CNTLN: variants seen among roughly 807,000 people sequenced by gnomAD.
The protein encoded by CNTLN is centlein, centrosomal protein.
A neutral mutation model predicts 180.0 loss-of-function variants in CNTLN; 212 were observed. The observed-to-expected ratio is 1.18, with a 90% CI of 1.05 to 1.32. The LOEUF (loss-of-function observed/expected upper bound fraction) is 1.32, where lower values mean the gene tolerates loss of function less well. CNTLN is among the 40% of genes most tolerant of loss of function. The pLI is 0.00. For missense variants in CNTLN, 2,095 were observed against 1,610.9 expected (o/e 1.30, Z -5.14); for synonymous variants, 722 against 563.1 (o/e 1.28, Z -3.99).
chr9:17,192,643 A>G (rs1399531699), intron 2 of CNTLN, among the ~76,000 whole-genome samples: 2 of 152,184 alleles, frequency 1.3e-5, no homozygotes, highest in African/African-American at 2.4e-5. Context: ...TGGAGTCAGA[A>G]TTTGAAATCT....
chr9:17,445,387 T>C (rs965769359), intron 18 of CNTLN, among the ~76,000 whole-genome samples: 1 of 151,596 alleles, frequency 6.6e-6, no homozygotes, highest in Non-Finnish European at 1.5e-5. Flanking sequence ...AGAGATCAGA[T>C]TGTTACAGTG....
At chr9:17,357,089 G>C (rs942788671) in intron 12 of CNTLN, among the ~76,000 whole-genome samples, 1 of 152,042 alleles carries the variant, frequency 6.6e-6, no homozygotes, top group Non-Finnish European at 1.5e-5. Context: ...GGTGCTTCAT[G>C]TAAGTGGAAT....
rs181878017 is a variant in CNTLN at position 17,215,215 on chromosome 9, G to A, written c.450-10988G>A. Among the ~76,000 whole-genome samples, 862 of 152,244 alleles carry A rather than the reference G, an allele frequency of 5.7e-3. 9 individuals carry two copies. The highest frequency in any genetic ancestry group is 0.02 in the African/African-American group (826 of 41,548). On this transcript the variant is annotated intron_variant, in intron 2 of 25. Transcript: ENST00000380647. The stretch of plus-strand genomic sequence containing the variant: ...ACCTTTGGTCTTTGATGATGGTGAC[G>A]TACAGATGGGGTTTTGGTGTGGATG...
At chr9:17,215,445 G>A (rs946095208) in intron 2 of CNTLN, among the ~76,000 whole-genome samples, 3 of 151,928 alleles carry the variant, frequency 2.0e-5, no homozygotes, top group Non-Finnish European at 4.4e-5. Context: ...AGACATGTGA[G>A]GTGTCAGTCT....
intron 2 of CNTLN, among the ~76,000 whole-genome samples, chr9:17,164,234 C>T (rs1477848822): frequency 1.3e-5 from 2 of 150,496 alleles, no homozygotes; most frequent in African/African-American, 4.9e-5. Context: ...ATCACTTGAA[C>T]CCGAAAGGCA....
chr9:17,454,258 T>C (rs1378807955), intron 18 of CNTLN, among the ~76,000 whole-genome samples: 1 of 152,220 alleles, frequency 6.6e-6, no homozygotes, highest in Non-Finnish European at 1.5e-5. Flanking sequence ...GTTTAAAAAT[T>C]TTATAGTGTT....
chr9:17,420,869 C>G (rs1828664230), intron 18 of CNTLN, among the ~76,000 whole-genome samples: 1 of 152,060 alleles, frequency 6.6e-6, no homozygotes, highest in African/African-American at 2.4e-5. Flanking sequence ...CTATAATTTC[C>G]AAAGTTCCTC....
intron 18 of CNTLN, among the ~76,000 whole-genome samples, chr9:17,419,296 A>G (rs12003685): frequency 0.017 from 2,661 of 152,256 alleles, 76 homozygotes; most frequent in African/African-American, 0.061. Flanking sequence ...GAAATGCGCT[A>G]TAGCCCTATA....
intron 19 of CNTLN, among the ~76,000 whole-genome samples, chr9:17,460,899 A>C (rs1831408024): frequency 6.6e-6 from 1 of 151,704 alleles, no homozygotes; most frequent in South Asian, 2.1e-4. Context: ...AGTGCAGCAC[A>C]CTAGAAGTAT....
chr9:17,259,470 C>G (rs561988184), intron 5 of CNTLN, among the ~76,000 whole-genome samples: 1 of 148,246 alleles, frequency 6.7e-6, no homozygotes, highest in African/African-American at 2.6e-5. Context: ...GCTTTGGTAT[C>G]AGAATGATGC....
At chr9:17,517,234 C>CA in the CNTLN span, among the ~76,000 whole-genome samples, 7 of 149,942 alleles carry the variant, frequency 4.7e-5, no homozygotes, top group Admixed American at 2.0e-4. Context: ...ACTAAAAATA[C>CA]AAAAAAAAAT....
At chr9:17,438,855 G>A (rs542488532) in intron 18 of CNTLN, among the ~76,000 whole-genome samples, 38 of 152,162 alleles carry the variant, frequency 2.5e-4, no homozygotes, top group Non-Finnish European at 5.6e-4. Context: ...CTGAGCTCTA[G>A]GCCCTCCAAT....
At chr9:17,392,690 A>C (rs1161426037) in intron 14 of CNTLN, among the ~76,000 whole-genome samples, 1 of 152,188 alleles carries the variant, frequency 6.6e-6, no homozygotes, top group African/African-American at 2.4e-5. Context: ...AATAGAAGTG[A>C]TTAAAATTAG....
At position 17,313,447 on chromosome 9, in the gene CNTLN, C is replaced by G. The variant is rs150612235; in HGVS notation, c.1341+4195C>G. Among the ~76,000 whole-genome samples, 416 of 151,550 alleles carry G rather than the reference C, an allele frequency of 2.7e-3. 2 individuals carry two copies. Among genetic ancestry groups the G allele is most frequent in the African/African-American group, 9.6e-3 (398 of 41,302 alleles). On this transcript the variant is annotated intron_variant, in intron 8 of 25. Transcript: ENST00000380647. Reference sequence around the variant, plus strand: ...TTTTTAATCTAAAAGTTTTACTCTTCTATCCTCTAGACCCACAGTTTCTGA... The same window carrying G: ...TTTTTAATCTAAAAGTTTTACTCTTGTATCCTCTAGACCCACAGTTTCTGA...
At chr9:17,501,016 T>A (rs1221324260) in intron 25 of CNTLN, among the ~76,000 whole-genome samples, 1 of 152,218 alleles carries the variant, frequency 6.6e-6, no homozygotes, top group Non-Finnish European at 1.5e-5. Context: ...TCTTTTTGCT[T>A]ATCTCTAAGA....
Position 17,457,177 on chromosome 9 carries a change from C to T in CNTLN, c.3115-347C>T, listed in dbSNP as rs549722326. The stretch of plus-strand genomic sequence containing the variant: ...TTGTCCTGCTCCAGCTTGGCTTTTC[C>T]CAGTTAAGTACTACATCAGCTCTGA... On this transcript the variant is annotated intron_variant, in intron 18 of 25. Coordinates refer to ENST00000380647, the MANE Select transcript of CNTLN (RefSeq NM_017738.4). 5.9e-5 allele frequency among the ~76,000 whole-genome samples: 9 copies of T among 152,150 alleles called. No individual in the cohort carries two copies. The South Asian group carries it at 1.9e-3, about 32-fold the overall frequency.
At chr9:17,521,336 A>C in the CNTLN span, among the ~76,000 whole-genome samples, 4 of 151,802 alleles carry the variant, frequency 2.6e-5, no homozygotes, top group African/African-American at 9.7e-5. Flanking sequence ...CTACAAAGGC[A>C]CTAATAGAGC....
chr9:17,252,724 A>C (rs140210352), intron 5 of CNTLN, among the ~76,000 whole-genome samples: 1,769 of 151,674 alleles, frequency 0.012, 39 homozygotes, highest in African/African-American at 0.041. Context: ...TGTAGGCTGA[A>C]TTTCAACCTA....
intron 18 of CNTLN, among the ~76,000 whole-genome samples, chr9:17,433,398 C>T (rs1196585449): frequency 6.6e-6 from 1 of 151,756 alleles, no homozygotes; most frequent in Non-Finnish European, 1.5e-5. Flanking sequence ...GATTCTCCTG[C>T]CTCGGCCTCC....
Sources: gnomAD v4.1 joint callset for allele counts (sites outside exome capture counted in the v4.1 genomes callset) on GRCh38, gnomAD v4.1.1 for gene constraint, MANE v1.5 for transcripts, NCBI Gene and HGNC (gene_info 2026-07-23, HGNC 2026-07-21) for gene names.